The following MINDY4 variants were observed in gnomAD, a reference collection of about 807,000 sequenced individuals.
MINDY4 encodes the protein probable ubiquitin carboxyl-terminal hydrolase MINDY-4.
A neutral mutation model predicts 87.0 loss-of-function variants in MINDY4; 68 were observed. The ratio of observed to expected loss-of-function variants is 0.78; its 90% CI spans 0.64 to 0.96. The LOEUF (loss-of-function observed/expected upper bound fraction) is 0.96. Ranked by LOEUF, MINDY4 falls within the 40% of genes least tolerant of loss-of-function variation. The pLI is 0.00. For missense variants in MINDY4, 919 were observed against 928.2 expected, an observed-to-expected ratio of 0.99 and a Z score of 0.13; for synonymous variants, 379 against 363.2, an observed-to-expected ratio of 1.04 and a Z score of -0.50.
At chr7:30,877,969 T>C in intron 15 of MINDY4, among the ~76,000 whole-genome samples, 1 of 151,190 alleles carries the variant, frequency 6.6e-6, no homozygotes, top group African/African-American at 2.4e-5. Context: ...TGTGAGCCAC[T>C]GCGCCTGGCC....
chr7:30,889,769 C>T (rs573326091), intron 17 of MINDY4, among the ~76,000 whole-genome samples: 7 of 152,204 alleles, frequency 4.6e-5, no homozygotes, highest in African/African-American at 9.6e-5. Context: ...CACTTCAAAA[C>T]GATTGATGAA....
chr7:30,793,477 G>A (rs1197897359), intron 5 of MINDY4, among the ~76,000 whole-genome samples: 2 of 150,386 alleles, frequency 1.3e-5, no homozygotes, highest in East Asian at 1.9e-4. Flanking sequence ...GCACAGTGGC[G>A]CAATCACAAC....
chr7:30,872,165 G>T, intron 13 of MINDY4, 78 bp from the exon 14 acceptor site: 1 of 1,332,234 alleles, frequency 7.5e-7, no homozygotes, highest in Non-Finnish European at 1.1e-6. Flanking sequence ...GAACCTAAGG[G>T]GAGCGCCTGG....
At chr7:30,807,785 G>A (rs1323704741) in intron 5 of MINDY4, among the ~76,000 whole-genome samples, 3 of 152,114 alleles carry the variant, frequency 2.0e-5, no homozygotes, top group East Asian at 1.9e-4. Context: ...CATGCAGCCC[G>A]CAGTCACGTA....
intron 6 of MINDY4, among the ~76,000 whole-genome samples, chr7:30,836,442 G>C (rs1788859724): frequency 6.6e-6 from 1 of 152,356 alleles, no homozygotes; most frequent in African/African-American, 2.4e-5. Flanking sequence ...GAGCAGGGTT[G>C]TGACAAGGAG....
chr7:30,862,502 A>G (rs760013725), intron 13 of MINDY4, among the ~76,000 whole-genome samples: 1 of 152,168 alleles, frequency 6.6e-6, no homozygotes, highest in Non-Finnish European at 1.5e-5. Flanking sequence ...TGGCTCTCTG[A>G]GGGATACCAG....
intron 13 of MINDY4, among the ~76,000 whole-genome samples, chr7:30,865,051 A>G (rs1789890638): frequency 6.6e-6 from 1 of 152,102 alleles, no homozygotes; most frequent in Non-Finnish European, 1.5e-5. Flanking sequence ...TCGTCAGCTT[A>G]CCTGGGACTC....
intron 17 of MINDY4, 53 bp from the exon 18 acceptor site, chr7:30,891,904 C>T (rs1790804803): frequency 6.3e-7 from 1 of 1,588,756 alleles, no homozygotes; most frequent in Non-Finnish European, 8.6e-7. Context: ...GGGCTCTCAT[C>T]TGGGACCCTG....
At chr7:30,882,042 AG>A (rs928190737) in intron 15 of MINDY4, 138 bp from the exon 16 acceptor site, 2 of 857,846 alleles carry the variant, frequency 2.3e-6, no homozygotes, top group African/African-American at 3.4e-5. Flanking sequence ...GAGCAGCGTG[AG>A]GGGCTCCCAG....
chr7:30,798,030 C>G (rs145013066), intron 5 of MINDY4, among the ~76,000 whole-genome samples: 23 of 152,152 alleles, frequency 1.5e-4, no homozygotes. Context: ...TCTCTCTCCT[C>G]GAGACTGCTG....
chr7:30,887,096 C>G (rs1344127057), intron 17 of MINDY4, among the ~76,000 whole-genome samples: 1 of 152,164 alleles, frequency 6.6e-6, no homozygotes, highest in Non-Finnish European at 1.5e-5. Flanking sequence ...GGGTATGATG[C>G]CTTCGAGGGG....
chr7:30,878,626 G>T (rs1719879471), intron 15 of MINDY4, among the ~76,000 whole-genome samples: 1 of 152,204 alleles, frequency 6.6e-6, no homozygotes, highest in East Asian at 1.9e-4. Context: ...GGTGATGGGG[G>T]ACTGACAGTC....
At chr7:30,810,174 C>CCA (rs1787941231) in intron 5 of MINDY4, among the ~76,000 whole-genome samples, 1 of 66,698 alleles carries the variant, frequency 1.5e-5, no homozygotes, top group Non-Finnish European at 2.6e-5. Flanking sequence ...GACTCTGTTT[C>CCA]AAAAAAAAAA....
chr7:30,794,751 C>T (rs147349952), intron 5 of MINDY4, among the ~76,000 whole-genome samples: 328 of 152,302 alleles, frequency 2.2e-3, no homozygotes, highest in African/African-American at 7.3e-3. Flanking sequence ...TGTCACTTGT[C>T]GCTGGCTTGT....
intron 3 of MINDY4, 151 bp from the exon 4 acceptor site, chr7:30,785,598 T>A (rs1381301438): frequency 8.7e-6 from 8 of 921,962 alleles, no homozygotes; most frequent in Non-Finnish European, 1.3e-5. Flanking sequence ...TTCTGTTCCT[T>A]GTCTTTCATG....
chr7:30,882,657 C>T (rs572689020), intron 16 of MINDY4, among the ~76,000 whole-genome samples: 16 of 152,244 alleles, frequency 1.1e-4, no homozygotes, highest in African/African-American at 2.9e-4. Flanking sequence ...CAGGCAGTGG[C>T]GAGCCATGGA....
chr7:30,798,753 C>T (rs1054722475), intron 5 of MINDY4, among the ~76,000 whole-genome samples: 4 of 152,222 alleles, frequency 2.6e-5, no homozygotes, highest in African/African-American at 7.2e-5. Context: ...CCGCCTCGGC[C>T]TCTCAAAGTG....
intron 5 of MINDY4, among the ~76,000 whole-genome samples, chr7:30,816,177 G>A (rs1024414903): frequency 2.6e-5 from 4 of 151,396 alleles, no homozygotes; most frequent in African/African-American, 7.3e-5. Context: ...TACCAATTGC[G>A]TGCCCGGGTC....
chr7:30,873,726 A>G (rs1243071469), intron 14 of MINDY4, among the ~76,000 whole-genome samples: 1 of 152,190 alleles, frequency 6.6e-6, no homozygotes, highest in Non-Finnish European at 1.5e-5. Flanking sequence ...GCTTCCTGCT[A>G]TGAGGAAGAT....
Sources: gnomAD v4.1 joint callset for allele counts (sites outside exome capture counted in the v4.1 genomes callset) on GRCh38, gnomAD v4.1.1 for gene constraint, MANE v1.5 for transcripts, NCBI Gene and HGNC (gene_info 2026-07-23, HGNC 2026-07-21) for gene names.